The following THADA variants were observed in gnomAD, a reference collection of about 807,000 sequenced individuals.
THADA encodes the protein tRNA (32-2'-O)-methyltransferase regulator THADA.
A neutral mutation model predicts 219.8 loss-of-function variants in THADA; 213 were observed. That is an observed-to-expected ratio of 0.97 (90% CI 0.87 to 1.09). The LOEUF is 1.09. THADA is among the 50% of genes least tolerant of loss of function. THADA has a pLI of 0.00. For synonymous variants in THADA, 1,018 were observed against 828.9 expected, an observed-to-expected ratio of 1.23 and a Z score of -3.92; for missense variants, 2,956 against 2,311.3, an observed-to-expected ratio of 1.28 and a Z score of -5.72.
chr2:43,439,063 G>A (rs1191043981), intron 26 of THADA, among the ~76,000 whole-genome samples: 1 of 152,100 alleles, frequency 6.6e-6, no homozygotes, highest in Admixed American at 6.6e-5. Flanking sequence ...GTCTCTTTCT[G>A]GTTTTTCCAC....
At chr2:43,569,972 C>G (rs899232077) in intron 14 of THADA, among the ~76,000 whole-genome samples, 1 of 152,218 alleles carries the variant, frequency 6.6e-6, no homozygotes, top group Non-Finnish European at 1.5e-5. Context: ...GCTCCCTCCA[C>G]AGCTGGACCA....
rs573383426 is a variant in THADA, at chr2:43,292,968, C to T, written c.4684G>A (p.Glu1562Lys). ...GCTAAGAACTTTTCCAAGAGGGCTTCCAGTGTTAGTGAGCGCACTTCAGGG... is the reference window on the plus strand; with the variant it reads ...GCTAAGAACTTTTCCAAGAGGGCTTTCAGTGTTAGTGAGCGCACTTCAGGG... ...AFPEVRSLTL[E>K]ALLEKFLAAA... The change falls in exon 32 of 38, where the codon GAA becomes AAA. Residue 1562 changes from glutamate (E) to lysine (K), a missense_variant. Transcript: ENST00000405975. The T allele has an allele frequency of 6.8e-6, 11 of 1,614,020 alleles. 1 individual carries two copies. In the South Asian group the frequency reaches 1.1e-4, roughly 16 times the overall value.
At chr2:43,591,251 G>C (rs1470798232) in intron 3 of THADA, among the ~76,000 whole-genome samples, 1 of 152,144 alleles carries the variant, frequency 6.6e-6, no homozygotes, top group Non-Finnish European at 1.5e-5. Flanking sequence ...TTGAGCCCAG[G>C]AGGTTGAGGC....
At chr2:43,242,670 G>A (rs879169203) in intron 36 of THADA, among the ~76,000 whole-genome samples, 1 of 152,042 alleles carries the variant, frequency 6.6e-6, no homozygotes, top group Admixed American at 6.5e-5. Context: ...TGTATTTTTG[G>A]TAGAGACAGG....
chr2:43,419,279 T>C (rs1387837532), intron 28 of THADA, among the ~76,000 whole-genome samples: 6 of 152,292 alleles, frequency 3.9e-5, no homozygotes, highest in African/African-American at 1.2e-4. Flanking sequence ...AGAATGTCTA[T>C]AACTGGTTGG....
At chr2:43,362,075 T>G (rs1042820544) in intron 29 of THADA, among the ~76,000 whole-genome samples, 1 of 152,232 alleles carries the variant, frequency 6.6e-6, no homozygotes, top group Non-Finnish European at 1.5e-5. Flanking sequence ...TCTTTAGTAT[T>G]TCCCAAATGA....
chr2:43,318,972 T>C (rs1338473832), intron 31 of THADA, among the ~76,000 whole-genome samples: 1 of 152,194 alleles, frequency 6.6e-6, no homozygotes, highest in East Asian at 1.9e-4. Flanking sequence ...AATAAACTAA[T>C]GATTATAGTC....
intron 26 of THADA, among the ~76,000 whole-genome samples, chr2:43,470,285 A>C (rs940223803): frequency 2.0e-5 from 3 of 152,020 alleles, no homozygotes; most frequent in African/African-American, 7.2e-5. Context: ...GGCCAGTTAT[A>C]ACCTTTGACA....
chr2:43,381,097 CAAAA>C (rs58711910), intron 29 of THADA, among the ~76,000 whole-genome samples: 4 of 54,400 alleles, frequency 7.4e-5, no homozygotes, highest in East Asian at 6.8e-4. Context: ...GAGACTTTGT[CAAAA>C]AAAAAAAAAA....
Position 43,245,172 on chromosome 2 carries a change from C to CTT in THADA, c.5297-12292_5297-12291dup, listed in dbSNP as rs200036949. 1.9e-3 allele frequency among the ~76,000 whole-genome samples: 197 copies of CTT among 103,092 alleles called. 6 individuals carry two copies. The highest frequency in any genetic ancestry group is 2.7e-3 in the Non-Finnish European group (155 of 56,420). 67.6% of individuals were successfully genotyped at this position (103,092 alleles called of 152,430 possible). ...TACTGGAGCTTCTTTCTTTCTTCTT[C>CTT]TTTTTTTTTTTTTTTTTTGAGACGG... On this transcript the variant is annotated intron_variant, in intron 36 of 37. Coordinates refer to ENST00000405975, the MANE Select transcript of THADA (RefSeq NM_022065.5).
intron 29 of THADA, among the ~76,000 whole-genome samples, chr2:43,381,394 C>G (rs1201803249): frequency 6.6e-6 from 1 of 152,102 alleles, no homozygotes; most frequent in Non-Finnish European, 1.5e-5. Flanking sequence ...ACTCCCCCCA[C>G]CCAGCCTCAG....
At chr2:43,336,846 C>T (rs886469963) in intron 30 of THADA, among the ~76,000 whole-genome samples, 1 of 152,180 alleles carries the variant, frequency 6.6e-6, no homozygotes, top group African/African-American at 2.4e-5. Context: ...TCCATGGGAG[C>T]TCAGGTAACC....
At chr2:43,548,088 G>A (rs1696273245) in intron 20 of THADA, among the ~76,000 whole-genome samples, 2 of 152,162 alleles carry the variant, frequency 1.3e-5, no homozygotes, top group Admixed American at 6.5e-5. Context: ...CTAACAGACA[G>A]GACCCTCAGC....
chr2:43,379,969 T>C (rs917083552), intron 29 of THADA, among the ~76,000 whole-genome samples: 4 of 152,218 alleles, frequency 2.6e-5, no homozygotes, highest in Non-Finnish European at 4.4e-5. Context: ...TCACATGACA[T>C]TCTAGAAAGG....
At chr2:43,467,106 C>T (rs923815155) in intron 26 of THADA, among the ~76,000 whole-genome samples, 6 of 130,700 alleles carry the variant, frequency 4.6e-5, no homozygotes, top group Non-Finnish European at 7.8e-5. Flanking sequence ...GGCGTGAACC[C>T]GGGAGGCGGA....
chr2:43,310,231 C>CA (rs938966285), intron 31 of THADA, among the ~76,000 whole-genome samples: 12 of 124,794 alleles, frequency 9.6e-5, no homozygotes, highest in Admixed American at 5.2e-4. Flanking sequence ...TTCCCGCCCC[C>CA]CCCCCAAACA....
chr2:43,435,129 T>G (rs373256581), intron 26 of THADA, among the ~76,000 whole-genome samples: 2 of 152,108 alleles, frequency 1.3e-5, no homozygotes, highest in Non-Finnish European at 2.9e-5. Context: ...CAAATTAAAT[T>G]CCATTGACTT....
intron 22 of THADA, among the ~76,000 whole-genome samples, chr2:43,520,673 G>C (rs1692286687): frequency 6.7e-6 from 1 of 150,118 alleles, no homozygotes; most frequent in South Asian, 2.1e-4. Flanking sequence ...CTAGGCAAAA[G>C]AGTAAGACCC....
intron 36 of THADA, among the ~76,000 whole-genome samples, chr2:43,249,630 C>T (rs1669611293): frequency 1.3e-5 from 2 of 152,292 alleles, no homozygotes; most frequent in South Asian, 4.2e-4. Context: ...TCTCTTATAT[C>T]CCTCCCTCAT....
Sources: allele counts gnomAD v4.1 joint callset (sites outside exome capture counted in the v4.1 genomes callset), GRCh38; gene constraint gnomAD v4.1.1; transcripts MANE v1.5; gene names NCBI Gene and HGNC (gene_info 2026-07-23, HGNC 2026-07-21).